The following ZBTB16 variants were observed in gnomAD, a reference collection of about 807,000 sequenced individuals.
ZBTB16 encodes zinc finger and BTB domain containing 16, also known as zinc finger and BTB domain-containing protein 16.
In ZBTB16, 8 loss-of-function variants were observed where a neutral mutation model predicts 56.8. The observed-to-expected ratio is 0.14, with a 90% confidence interval of 0.08 to 0.25. The LOEUF is 0.25. Among genes scored for constraint, ZBTB16 ranks in the 10% least tolerant of loss-of-function variants. The pLI, the probability that ZBTB16 is intolerant of heterozygous loss-of-function variation, is 1.00. For synonymous variants in ZBTB16, 363 were observed against 368.5 expected (o/e 0.98, Z 0.17); for missense variants, 625 against 903.0 (o/e 0.69, Z 3.95).
chr11:114,132,011 GGGGGAGC>G (rs1472148300), intron 2 of ZBTB16, among the ~76,000 whole-genome samples: 1 of 152,106 alleles, frequency 6.6e-6, no homozygotes, highest in African/African-American at 2.4e-5. Context: ...GTGTGTGAAA[GGGGGAGC>G]GGCGGAAGTT....
intron 4 of ZBTB16, among the ~76,000 whole-genome samples, chr11:114,197,706 C>G (rs1943641102): frequency 6.6e-6 from 1 of 151,990 alleles, no homozygotes; most frequent in African/African-American, 2.4e-5. Flanking sequence ...GCAGGCAAGA[C>G]AGAGGATTTA....
chr11:114,168,616 A>G (rs1942860856), intron 3 of ZBTB16, among the ~76,000 whole-genome samples: 1 of 152,194 alleles, frequency 6.6e-6, no homozygotes, highest in African/African-American at 2.4e-5. Context: ...CTGGACTTCA[A>G]TCTCCCTCTC....
rs147951342 is a variant in ZBTB16, at chr11:114,063,714, C to A, written c.414C>A (p.Ala138=). The change falls in exon 2 of 7, where the codon GCC becomes GCA. Residue 138 remains alanine, a synonymous_variant. Coordinates refer to ENST00000335953, the MANE Select transcript of ZBTB16 (RefSeq NM_006006.6). The surrounding 1 kb of genome is among the most constrained non-coding windows in gnomAD (Gnocchi z 6.5). The stretch of plus-strand genomic sequence containing the variant: ...ACAATGACACGGAGGCCACCATGGC[C>A]GATGGCGGGGCCGAGGAAGAAGAGG... The part of the protein sequence containing the change: ...SDDNDTEATM[A]DGGAEEEEDR... 6.2e-7 allele frequency: 1 copy of A among 1,614,034 alleles called. No individual in the cohort carries two copies. Among genetic ancestry groups the A allele is most frequent in the East Asian group, 2.2e-5 (1 of 44,876 alleles).
At chr11:114,226,345 G>A (rs1944327801) in intron 4 of ZBTB16, among the ~76,000 whole-genome samples, 1 of 152,234 alleles carries the variant, frequency 6.6e-6, no homozygotes, top group Admixed American at 6.5e-5. Flanking sequence ...TGGGTAGCTA[G>A]AACAGAGGTG....
chr11:114,186,983 C>T lies in ZBTB16; in HGVS notation c.1398C>T (p.Cys466=), dbSNP rs116547293. ...AGAKAFVCDQ[C]GAQFSKEDAL... ...CCAAAGCCTTTGTCTGTGATCAGTG[C>T]GGTGCACAGTTTTCGAAGGAGGATG... is the stretch of plus-strand genomic sequence containing the variant. Residue 466 remains cysteine, a synonymous_variant, in exon 4 of 7, where the codon TGC becomes TGT. Transcript: ENST00000335953. 3.3e-5 allele frequency: 53 copies of T among 1,614,048 alleles called. No homozygotes were observed. The highest frequency in any genetic ancestry group is 3.3e-4 in the Middle Eastern group (2 of 6,054).
At position 114,060,076 on chromosome 11, in the gene ZBTB16, G is replaced by C. The variant is rs1174666528; in HGVS notation, c.-91+194G>C. On this transcript the variant is annotated intron_variant, in intron 1 of 6. Transcript: ENST00000335953. The surrounding 1 kb of genome is among the most constrained non-coding windows in gnomAD (Gnocchi z 6.0). ...CACCGGTTGGGGGTCGGCTAGAAGG[G>C]GGAGCCCCGGCTGTCAGCCTGGGCG... is the stretch of plus-strand genomic sequence containing the variant. Among the ~76,000 whole-genome samples the C allele has an allele frequency of 6.6e-6, 1 of 152,188 alleles. No homozygotes were observed. Among genetic ancestry groups the C allele is most frequent in the Non-Finnish European group, 1.5e-5 (1 of 68,028 alleles).
chr11:114,110,414 C>T (rs866919750), intron 2 of ZBTB16, among the ~76,000 whole-genome samples: 5 of 152,196 alleles, frequency 3.3e-5, no homozygotes, highest in Admixed American at 6.5e-5. Flanking sequence ...GGGAAAGCCA[C>T]GGCCAAGCCT....
chr11:114,167,406 T>A (rs1942812183), intron 3 of ZBTB16, among the ~76,000 whole-genome samples: 1 of 90,618 alleles, frequency 1.1e-5, no homozygotes, highest in Admixed American at 1.4e-4. Flanking sequence ...TTTTTTAAAT[T>A]CTCCCTCTAC....
At chr11:114,112,765 T>C (rs1014050459) in intron 2 of ZBTB16, among the ~76,000 whole-genome samples, 1 of 148,680 alleles carries the variant, frequency 6.7e-6, no homozygotes, top group Non-Finnish European at 1.5e-5. Context: ...ATTTTCTTTT[T>C]TTTTTTTTTT....
chr11:114,167,382 TTTTG>T (rs1247799591), intron 3 of ZBTB16, among the ~76,000 whole-genome samples: 9 of 78,018 alleles, frequency 1.2e-4, no homozygotes, highest in South Asian at 7.1e-4. Flanking sequence ...GGGCGAGTTT[TTTTG>T]TTTTTTTTTT....
Position 114,247,181 on chromosome 11 carries a change from G to A in ZBTB16, c.1625-17G>A, listed in dbSNP as rs772073782. ...CAGGGAGAGGCAAAGGCCTGATCCAGCCCCTTGTCTCCACAGGCGACCACC... is the reference window on the plus strand; with the variant it reads ...CAGGGAGAGGCAAAGGCCTGATCCAACCCCTTGTCTCCACAGGCGACCACC... On this transcript the variant is annotated splice_polypyrimidine_tract_variant and intron_variant, in intron 5 of 6. Coordinates refer to ENST00000335953, the MANE Select transcript of ZBTB16 (RefSeq NM_006006.6). 12 of 1,614,250 alleles carry A rather than the reference G, an allele frequency of 7.4e-6. 1 individual carries two copies. In the South Asian group the frequency reaches 1.2e-4, roughly 16 times the overall value.
chr11:114,139,928 G>A (rs937930278), intron 2 of ZBTB16, among the ~76,000 whole-genome samples: 9 of 152,150 alleles, frequency 5.9e-5, no homozygotes, highest in African/African-American at 1.9e-4. Context: ...GGACGGCACC[G>A]AGGGCTCCTA....
chr11:114,231,898 C>T (rs990755972), intron 4 of ZBTB16, among the ~76,000 whole-genome samples: 2 of 152,180 alleles, frequency 1.3e-5, no homozygotes, highest in African/African-American at 2.4e-5. Context: ...TTATATCCCT[C>T]TTCATTTTAC....
At chr11:114,237,934 T>G (rs780493199) in intron 4 of ZBTB16, among the ~76,000 whole-genome samples, 1 of 152,120 alleles carries the variant, frequency 6.6e-6, no homozygotes, top group Non-Finnish European at 1.5e-5. Flanking sequence ...CCTGGGAGCC[T>G]TGGTTGGTGG....
intron 4 of ZBTB16, among the ~76,000 whole-genome samples, chr11:114,223,581 A>G (rs1033667026): frequency 5.3e-5 from 8 of 152,182 alleles, no homozygotes; most frequent in Admixed American, 3.9e-4. Flanking sequence ...GTAAATATTT[A>G]TTGAACACCC....
At chr11:114,068,497 G>C (rs1233235310) in intron 2 of ZBTB16, among the ~76,000 whole-genome samples, 1 of 152,190 alleles carries the variant, frequency 6.6e-6, no homozygotes, top group Non-Finnish European at 1.5e-5. Context: ...GCTGTAAAAG[G>C]GATGCAGTGT....
chr11:114,076,106 CG>C (rs369539707), intron 2 of ZBTB16, among the ~76,000 whole-genome samples: 169 of 152,212 alleles, frequency 1.1e-3, no homozygotes, highest in African/African-American at 4.0e-3. Context: ...ACTGCACTTT[CG>C]GGGAAAGCAT....
In ZBTB16 at chr11:114,246,270, A is replaced by C. The variant is rs987928881; in HGVS notation, c.1625-928A>C. On this transcript the variant is annotated intron_variant, in intron 5 of 6. Coordinates refer to ENST00000335953, the MANE Select transcript of ZBTB16 (RefSeq NM_006006.6). The stretch of plus-strand genomic sequence containing the variant: ...GTATGGTGGGCAAGCCAGTAGATAC[A>C]GCATAGTGTGTCAGCAAGCTGACAA... Among the ~76,000 whole-genome samples, 5 of 152,194 alleles carry C rather than the reference A, an allele frequency of 3.3e-5. No individual in the cohort carries two copies. The South Asian group carries it at 8.3e-4, about 25-fold the overall frequency.
intron 2 of ZBTB16, chr11:114,122,058 C>G (rs544195446): frequency 3.3e-6 from 1 of 304,176 alleles, no homozygotes; most frequent in Non-Finnish European, 6.5e-6. Flanking sequence ...CTATAGCAAC[C>G]ATTTATTCTA....
Sources: allele counts gnomAD v4.1 joint callset (sites outside exome capture counted in the v4.1 genomes callset), GRCh38; gene constraint gnomAD v4.1.1; non-coding constraint Gnocchi (gnomAD v3.1); transcripts MANE v1.5; gene names NCBI Gene and HGNC (gene_info 2026-07-23, HGNC 2026-07-21).